Variants in LAMB4 observed in about 807,000 individuals in gnomAD.
LAMB4 encodes laminin subunit beta-4.
In LAMB4, 196 loss-of-function variants were observed where a neutral mutation model predicts 199.2. That is an observed-to-expected ratio of 0.98 (90% confidence interval 0.88 to 1.11). The LOEUF (loss-of-function observed/expected upper bound fraction) is 1.11, where lower values mean the gene tolerates loss of function less well. Ranked by LOEUF, LAMB4 falls within the 50% of genes least tolerant of loss-of-function variation. The pLI, the probability that LAMB4 is intolerant of heterozygous loss-of-function variation, is 0.00. For missense variants in LAMB4, 2,080 were observed against 2,171.2 expected (o/e 0.96, Z 0.83); for synonymous variants, 744 against 770.6 (o/e 0.97, Z 0.57).
chr7:108,099,259 G>A (rs1300395766), intron 10 of LAMB4, among the ~76,000 whole-genome samples: 1 of 152,196 alleles, frequency 6.6e-6, no homozygotes, highest in African/African-American at 2.4e-5. Flanking sequence ...TCTGGAAAAT[G>A]GGATAAACAG....
chr7:108,098,418 G>A lies in LAMB4; in HGVS notation c.1345C>T (p.Pro449Ser). The change falls in exon 11 of 34, where the codon CCC becomes TCC. Residue 449 changes from proline (P) to serine (S), a missense_variant. By Grantham distance (74) the Pro-to-Ser change is moderately conservative. Coordinates refer to ENST00000388781, the MANE Select transcript of LAMB4 (RefSeq NM_007356.3). ...ATGGACTTACGCTGGCAGCCCAGGG[G>A]GTCGGTGGCGCTTAGTCCGTAGTGG... ...PNHYGLSATD[P>S]LGCQPCDCNP... 28 of 1,608,046 alleles carry A rather than the reference G, an allele frequency of 1.7e-5. No homozygotes were observed. The highest frequency in any genetic ancestry group is 2.3e-5 in the Non-Finnish European group (27 of 1,177,476).
chr7:108,048,946 C>G (rs1220087840), intron 27 of LAMB4, among the ~76,000 whole-genome samples: 1 of 152,194 alleles, frequency 6.6e-6, no homozygotes, highest in Non-Finnish European at 1.5e-5. Context: ...CCACCTTGGC[C>G]TCCCAAAGTG....
At chr7:108,069,960 TA>T in intron 17 of LAMB4, 75 bp from the exon 18 acceptor site, 1 of 1,213,612 alleles carries the variant, frequency 8.2e-7, no homozygotes, top group South Asian at 1.7e-5. Context: ...ATAAAAAAAT[TA>T]GATCTATGAA....
At chr7:108,079,180 T>C (rs1241661727) in intron 15 of LAMB4, among the ~76,000 whole-genome samples, 3 of 152,252 alleles carry the variant, frequency 2.0e-5, no homozygotes. Context: ...GCTTTTGGTC[T>C]TTCTCTTGTC....
In LAMB4 at chr7:108,052,219, A is replaced by G. The variant is rs968944564; in HGVS notation, c.3794T>C (p.Val1265Ala). 1.9e-6 allele frequency: 3 copies of G among 1,609,974 alleles called. No individual in the cohort carries two copies. The highest frequency in any genetic ancestry group is 1.7e-5 in the Admixed American group (1 of 59,606). ...IMQLNEQLKA[V>A]YEFQDLKDTI... ...ATCTTTCAGATCTTGAAATTCATAC[A>G]CTGCTTTCAGTTGTTCATTTAGCTG... is the stretch of plus-strand genomic sequence containing the variant. Residue 1265 changes from valine to alanine, a missense_variant, in exon 26 of 34, where the codon GTG becomes GCG. Coordinates refer to ENST00000388781, the MANE Select transcript of LAMB4 (RefSeq NM_007356.3).
intron 1 of LAMB4, among the ~76,000 whole-genome samples, chr7:108,127,178 T>C (rs2038822145): frequency 1.4e-5 from 1 of 71,082 alleles, no homozygotes; most frequent in Non-Finnish European, 4.4e-5. Flanking sequence ...CACCAGGGTT[T>C]TTTTTTTTGT....
chr7:108,022,896 C>A (rs975885176), downstream of LAMB4, among the ~76,000 whole-genome samples: 2 of 152,002 alleles, frequency 1.3e-5, no homozygotes, highest in African/African-American at 4.8e-5. Context: ...CACTGCAACC[C>A]CTTCCTCCTG....
chr7:108,079,895 T>A, intron 14 of LAMB4, 109 bp from the exon 15 acceptor site: 1 of 705,784 alleles, frequency 1.4e-6, no homozygotes, highest in Non-Finnish European at 2.2e-6. Flanking sequence ...GGTGTGTATA[T>A]GATTCATATG....
At chr7:108,073,358 A>G (rs1013048273) in intron 17 of LAMB4, among the ~76,000 whole-genome samples, 1 of 152,252 alleles carries the variant, frequency 6.6e-6, no homozygotes, top group Non-Finnish European at 1.5e-5. Flanking sequence ...GAAACTTCTA[A>G]GGACTTTATG....
intron 1 of LAMB4, among the ~76,000 whole-genome samples, chr7:108,125,121 C>T (rs902786135): frequency 6.6e-5 from 10 of 152,150 alleles, no homozygotes; most frequent in African/African-American, 2.2e-4. Flanking sequence ...GAAAAGTCTG[C>T]AATCTTGGGC....
At chr7:108,088,182 GGA>G (rs2037257620) in intron 14 of LAMB4, among the ~76,000 whole-genome samples, 1 of 145,634 alleles carries the variant, frequency 6.9e-6, no homozygotes, top group Non-Finnish European at 1.5e-5. Context: ...TTTTTTTTTG[GGA>G]GAGAGTCTCC....
At chr7:108,019,853 G>T (rs554405903), downstream of LAMB4, among the ~76,000 whole-genome samples, 11 of 152,216 alleles carry the variant, frequency 7.2e-5, no homozygotes, top group African/African-American at 2.6e-4. Context: ...CAGTGCTTCT[G>T]CCTAATTGTT....
At position 108,090,951 on chromosome 7, in the gene LAMB4, C is replaced by T. The variant is rs113656243; in HGVS notation, c.1701+675G>A. On this transcript the variant is annotated intron_variant, in intron 14 of 33. Coordinates refer to ENST00000388781, the MANE Select transcript of LAMB4 (RefSeq NM_007356.3). The stretch of plus-strand genomic sequence containing the variant: ...GGCATTTTCATCCTTCCCCATCTGT[C>T]CTTACAGATAAGGAAGAGATTCCAG... Among the ~76,000 whole-genome samples, 129 of 152,200 alleles carry T rather than the reference C, an allele frequency of 8.5e-4. 1 individual carries two copies. The highest frequency in any genetic ancestry group is 3.1e-3 in the African/African-American group (129 of 41,528).
chr7:108,067,963 CA>C, intron 19 of LAMB4, 52 bp downstream of exon 19: 1 of 1,610,568 alleles, frequency 6.2e-7, no homozygotes, highest in South Asian at 1.1e-5. Flanking sequence ...TGCCTGCTGT[CA>C]AAATGTCAAG....
At chr7:108,074,812 G>A (rs1158007138) in intron 17 of LAMB4, among the ~76,000 whole-genome samples, 2 of 152,062 alleles carry the variant, frequency 1.3e-5, no homozygotes, top group Non-Finnish European at 2.9e-5. Context: ...TACACCCCAG[G>A]ACCAGCATAC....
In LAMB4 at chr7:108,064,556, C is replaced by T. The variant is rs79652068; in HGVS notation, c.2837-571G>A. Reference sequence around the variant, plus strand: ...CTTTACCCTTGCAACCATGAGATGACTGCGGCTTTTTAGGTGCCCAAACTG... The same window carrying T: ...CTTTACCCTTGCAACCATGAGATGATTGCGGCTTTTTAGGTGCCCAAACTG... On this transcript the variant is annotated intron_variant, in intron 21 of 33. Coordinates refer to ENST00000388781, the MANE Select transcript of LAMB4 (RefSeq NM_007356.3). 6.1e-3 allele frequency among the ~76,000 whole-genome samples: 929 copies of T among 152,302 alleles called. 4 individuals are homozygous for T. Among genetic ancestry groups the T allele is most frequent in the Non-Finnish European group, 0.011 (732 of 68,012 alleles).
At chr7:108,123,273 T>G in intron 1 of LAMB4, 76 bp from the exon 2 acceptor site, 1 of 876,400 alleles carries the variant, frequency 1.1e-6, no homozygotes, top group Non-Finnish European at 1.8e-6. Flanking sequence ...GTAAAAGTGC[T>G]TAGGGTTATC....
At chr7:108,115,359 GA>G in intron 3 of LAMB4, among the ~76,000 whole-genome samples, 1 of 152,222 alleles carries the variant, frequency 6.6e-6, no homozygotes, top group South Asian at 2.1e-4. Flanking sequence ...AAATATTTGG[GA>G]AAAAATAACA....
In LAMB4 at chr7:108,029,163, G is replaced by A; in HGVS notation, c.5026C>T (p.Leu1676Phe). The A allele has an allele frequency of 6.2e-7, 1 of 1,611,976 alleles. No individual in the cohort carries two copies. Among genetic ancestry groups the A allele is most frequent in the Non-Finnish European group, 8.5e-7 (1 of 1,179,508 alleles). The change falls in exon 33 of 34, where the codon CTC becomes TTC. Residue 1676 changes from leucine (L) to phenylalanine (F), a missense_variant. Coordinates refer to ENST00000388781, the MANE Select transcript of LAMB4 (RefSeq NM_007356.3). ...FVELKKQYAI[L>F]QRKTSTTGLT... ...CCTGTAGTGCTTGTCTTACGTTGGAGAATAGCATATTGTTTTTTCAGCTCA... is the reference window on the plus strand; with the variant it reads ...CCTGTAGTGCTTGTCTTACGTTGGAAAATAGCATATTGTTTTTTCAGCTCA...
Sources: allele counts gnomAD v4.1 joint callset (sites outside exome capture counted in the v4.1 genomes callset), GRCh38; gene constraint gnomAD v4.1.1; transcripts MANE v1.5; gene names NCBI Gene and HGNC (gene_info 2026-07-23, HGNC 2026-07-21).